The following RPS6KA6 variants were observed in gnomAD, a reference collection of about 807,000 sequenced individuals.
The protein encoded by RPS6KA6 is ribosomal protein S6 kinase A6, also known as ribosomal protein S6 kinase alpha-6.
A neutral mutation model predicts 65.4 loss-of-function variants in RPS6KA6; 27 were observed. The observed-to-expected ratio is 0.41, with a 90% CI of 0.30 to 0.57. RPS6KA6 has a LOEUF of 0.57. RPS6KA6 is among the 20% of genes least tolerant of loss of function. The pLI is 0.24. For missense variants in RPS6KA6, 486 were observed against 555.6 expected (o/e 0.87, Z 1.26); for synonymous variants, 190 against 184.2 (o/e 1.03, Z -0.26).
intron 1 of RPS6KA6, chrX:84,186,196 T>G: frequency 2.2e-6 from 1 of 463,696 alleles, no homozygotes; most frequent in East Asian, 3.9e-5. Context: ...AAACCATATG[T>G]GGTAATTACA....
intron 3 of RPS6KA6, among the ~76,000 whole-genome samples, chrX:84,155,664 G>T (rs2147582670): frequency 8.9e-6 from 1 of 112,113 alleles, no homozygotes; most frequent in South Asian, 3.7e-4. Flanking sequence ...ATTCATACAT[G>T]AATTAAGACA....
intron 20 of RPS6KA6, among the ~76,000 whole-genome samples, chrX:84,084,035 GTTC>G (rs1310939883): frequency 3.6e-5 from 4 of 112,017 alleles, no homozygotes; most frequent in Non-Finnish European, 7.5e-5. Flanking sequence ...AGAAGTGTCT[GTTC>G]TTCTCCTTTG....
rs768756864 is a variant in RPS6KA6 at position 84,062,905 on chromosome X, ATTCT to A, written c.*1368_*1371del. 13 of 108,757 alleles carry A rather than the reference ATTCT, an allele frequency of 1.2e-4. No individual in the cohort carries two copies. Among genetic ancestry groups the A allele is most frequent in the Admixed American group, 4.0e-4 (4 of 9,940 alleles). The allele number at this position is 108,757 out of a possible 1,213,427, so 9.0% of individuals were successfully genotyped here. A position where few individuals can be genotyped will look rare whatever the true frequency, so the allele number is the denominator to read the frequency against. On this transcript the variant is annotated 3_prime_UTR_variant, in exon 22 of 22. Transcript: ENST00000262752. ...GATATCCTCCAGTTTACATTCATGA[ATTCT>A]TTCTGTCAGTAGTAGTAGTAGTAGT...
At chrX:84,164,711 GA>G (rs769158821) in intron 1 of RPS6KA6, among the ~76,000 whole-genome samples, 1 of 110,757 alleles carries the variant, frequency 9.0e-6, no homozygotes, top group Non-Finnish European at 1.9e-5. Context: ...TTTATGACAG[GA>G]AAAAAAATGC....
chrX:84,085,853 T>A lies in RPS6KA6; in HGVS notation c.1971+10341A>T, dbSNP rs1248599691. Among the ~76,000 whole-genome samples, 4 of 111,731 alleles carry A rather than the reference T, an allele frequency of 3.6e-5. No homozygotes were observed. In the Admixed American group the frequency reaches 3.8e-4, roughly 11 times the overall value. On this transcript the variant is annotated intron_variant, in intron 20 of 21. Transcript: ENST00000262752. ...GCTATTACTGCCTCAATTTCATAAC[T>A]CACAATTGGTCTATTCAGGGATTCA...
At chrX:84,149,445 G>C (rs943331930) in intron 3 of RPS6KA6, among the ~76,000 whole-genome samples, 6 of 111,681 alleles carry the variant, frequency 5.4e-5, no homozygotes. Context: ...AGCAACTATA[G>C]CCTTACAAAA....
intron 20 of RPS6KA6, among the ~76,000 whole-genome samples, chrX:84,069,751 G>A (rs758692731): frequency 3.6e-5 from 4 of 111,767 alleles, no homozygotes; most frequent in Non-Finnish European, 7.5e-5. Flanking sequence ...GTGGGCAAAG[G>A]ATATGAACAG....
chrX:84,164,315 CATAA>C lies in RPS6KA6; in HGVS notation c.141+9_141+12del, dbSNP rs748587611. ...CTAAAAATGTGGCTTAATAAATTAA[CATAA>C]ATACTTACATGACAAGAATCTGCTT... On this transcript the variant is annotated intron_variant, in intron 2 of 21. Coordinates refer to ENST00000262752, the MANE Select transcript of RPS6KA6 (RefSeq NM_014496.5). 2.5e-4 allele frequency: 292 copies of C among 1,154,992 alleles called. No individual in the cohort carries two copies. The highest frequency in any genetic ancestry group is 6.2e-4 in the Admixed American group (28 of 44,960).
chrX:84,183,585 T>C (rs1433131380), intron 1 of RPS6KA6, among the ~76,000 whole-genome samples: 1 of 111,924 alleles, frequency 8.9e-6, no homozygotes, highest in Non-Finnish European at 1.9e-5. Flanking sequence ...TTACCTTTAA[T>C]ACATTCCTTA....
In RPS6KA6 at chrX:84,154,658, T is replaced by TCAC. The variant is rs762801562; in HGVS notation, c.258+1414_258+1416dup. Among the ~76,000 whole-genome samples the TCAC allele has an allele frequency of 1.3e-3, 137 of 109,500 alleles. 1 individual carries two copies. The highest frequency in any genetic ancestry group is 1.6e-3 in the Non-Finnish European group (84 of 52,393). On this transcript the variant is annotated intron_variant, in intron 3 of 21. Coordinates refer to ENST00000262752, the MANE Select transcript of RPS6KA6 (RefSeq NM_014496.5). ...CTATAAACATTCCCCACCAACTTCA[T>TCAC]CACCACCACCACCACCACCACCACC...
At chrX:84,138,822 TG>T (rs2035044234) in intron 6 of RPS6KA6, among the ~76,000 whole-genome samples, 5 of 109,971 alleles carry the variant, frequency 4.5e-5, no homozygotes, top group Non-Finnish European at 7.6e-5. Flanking sequence ...TGTGTGTGTG[TG>T]TGTGTGTGTG....
intron 1 of RPS6KA6, among the ~76,000 whole-genome samples, chrX:84,170,608 C>T (rs996309691): frequency 2.7e-5 from 3 of 110,014 alleles, no homozygotes; most frequent in East Asian, 5.7e-4. Flanking sequence ...CCAGCCTGGG[C>T]GACAGAGTGA....
chrX:84,127,071 T>C (rs1352219950), intron 8 of RPS6KA6, among the ~76,000 whole-genome samples: 1 of 110,737 alleles, frequency 9.0e-6, no homozygotes, highest in Non-Finnish European at 1.9e-5. Context: ...ACAAACAAAA[T>C]TGATAAACCA....
At chrX:84,105,968 T>C in intron 15 of RPS6KA6, 92 bp from the exon 16 acceptor site, 2 of 481,541 alleles carry the variant, frequency 4.2e-6, no homozygotes, top group African/African-American at 2.4e-5. Context: ...TTTGAAGAAA[T>C]GCTTAAAAAC....
At chrX:84,172,275 C>A (rs2035696653) in intron 1 of RPS6KA6, among the ~76,000 whole-genome samples, 1 of 111,609 alleles carries the variant, frequency 9.0e-6, no homozygotes, top group Non-Finnish European at 1.9e-5. Flanking sequence ...ATTGCTAGAT[C>A]AAATGGTATT....
chrX:84,104,458 T>C (rs754655448), intron 17 of RPS6KA6, 41 bp downstream of exon 17: 3 of 958,773 alleles, frequency 3.1e-6, no homozygotes, highest in South Asian at 7.3e-5. Flanking sequence ...CATGAAGATA[T>C]AGGTCCCAGA....
chrX:84,058,562 C>T lies in RPS6KA6; in HGVS notation c.*5715G>A, dbSNP rs1203095634. 2.7e-5 allele frequency: 3 copies of T among 111,575 alleles called. No homozygotes were observed. Among genetic ancestry groups the T allele is most frequent in the Non-Finnish European group, 5.6e-5 (3 of 53,129 alleles). 9.2% of individuals were successfully genotyped at this position (111,575 alleles called of 1,213,427 possible). ...TGTAAAATGAACTACTGGATTTGGT[C>T]TTACATGATAAAAAACTTAGTATAA... is the stretch of plus-strand genomic sequence containing the variant. On this transcript the variant is annotated 3_prime_UTR_variant, in exon 22 of 22. Coordinates refer to ENST00000262752, the MANE Select transcript of RPS6KA6 (RefSeq NM_014496.5).
At chrX:84,119,699 T>A (rs761638465) in intron 9 of RPS6KA6, among the ~76,000 whole-genome samples, 186 bp downstream of exon 9, 1 of 111,628 alleles carries the variant, frequency 9.0e-6, no homozygotes, top group Non-Finnish European at 1.9e-5. Context: ...AACTTTAAAA[T>A]AAATCAGAAC....
chrX:84,085,926 C>T (rs2033909910), intron 20 of RPS6KA6, among the ~76,000 whole-genome samples: 1 of 111,131 alleles, frequency 9.0e-6, no homozygotes, highest in Admixed American at 9.6e-5. Flanking sequence ...GGAATTTATC[C>T]ATTATTCTAG....
Sources: allele counts gnomAD v4.1 joint callset (sites outside exome capture counted in the v4.1 genomes callset), GRCh38; gene constraint gnomAD v4.1.1; transcripts MANE v1.5; gene names NCBI Gene and HGNC (gene_info 2026-07-23, HGNC 2026-07-21).